The following ELOVL5 variants were observed in gnomAD, a reference collection of about 807,000 sequenced individuals.
ELOVL5 encodes the protein very long chain fatty acid elongase 5.
Under a neutral mutation model 38.6 loss-of-function variants are expected in ELOVL5, and 8 were observed. The observed-to-expected ratio is 0.21, with a 90% CI of 0.12 to 0.37. The LOEUF is 0.37. Ranked by LOEUF, ELOVL5 falls within the 10% of genes least tolerant of loss-of-function variation. The probability of loss-of-function intolerance (pLI) is 1.00; values close to 1 mark genes in which losing one functional copy is unlikely to be tolerated. For missense variants in ELOVL5, 280 were observed against 367.8 expected (o/e 0.76, Z 1.95); for synonymous variants, 127 against 133.7 (o/e 0.95, Z 0.34).
chr6:53,330,130 C>T (rs1471896626), intron 1 of ELOVL5, among the ~76,000 whole-genome samples: 1 of 152,178 alleles, frequency 6.6e-6, no homozygotes, highest in Non-Finnish European at 1.5e-5. Flanking sequence ...GCCTACTACA[C>T]ATGCAGGCTA....
intron 1 of ELOVL5, among the ~76,000 whole-genome samples, chr6:53,296,926 G>A (rs548964362): frequency 1.3e-5 from 2 of 152,168 alleles, no homozygotes; most frequent in East Asian, 1.9e-4. Flanking sequence ...TGTATTCACT[G>A]GCTAATTTTA....
intron 5 of ELOVL5, among the ~76,000 whole-genome samples, chr6:53,274,794 A>G (rs1205567294): frequency 6.6e-6 from 1 of 152,184 alleles, no homozygotes; most frequent in Non-Finnish European, 1.5e-5. Flanking sequence ...CACACCATAC[A>G]GAAGGACCAG....
At chr6:53,276,306 G>C (rs748147731) in intron 3 of ELOVL5, 50 bp from the exon 4 acceptor site, 1 of 1,223,534 alleles carries the variant, frequency 8.2e-7, no homozygotes, top group Non-Finnish European at 1.2e-6. Context: ...GCCATGTAAA[G>C]TCCTCATTGA....
intron 3 of ELOVL5, among the ~76,000 whole-genome samples, chr6:53,278,770 C>T (rs1766240779): frequency 6.6e-6 from 1 of 152,148 alleles, no homozygotes; most frequent in African/African-American, 2.4e-5. Flanking sequence ...TGCAACACTC[C>T]CTCCACTGCT....
intron 1 of ELOVL5, among the ~76,000 whole-genome samples, chr6:53,339,204 T>C (rs1459194024): frequency 3.3e-5 from 5 of 152,206 alleles, no homozygotes; most frequent in East Asian, 1.9e-4. Flanking sequence ...ATCTCCTCTA[T>C]AGCATGTCTC....
At chr6:53,273,198 G>C in intron 6 of ELOVL5, 22 bp downstream of exon 6, 1 of 1,613,008 alleles carries the variant, frequency 6.2e-7, no homozygotes, top group East Asian at 2.2e-5. Flanking sequence ...TAAGTCCTGG[G>C]GAAAGAGGCC....
intron 3 of ELOVL5, among the ~76,000 whole-genome samples, chr6:53,280,326 C>T (rs1013472618): frequency 1.3e-5 from 2 of 152,128 alleles, no homozygotes; most frequent in Admixed American, 6.5e-5. Context: ...CAAGAACCAC[C>T]CAGGGGCATT....
chr6:53,293,449 C>G (rs975495097), intron 2 of ELOVL5, among the ~76,000 whole-genome samples: 30 of 152,122 alleles, frequency 2.0e-4, no homozygotes, highest in African/African-American at 5.3e-4. Flanking sequence ...TCCAGAGTAG[C>G]TGGGACTATA....
Position 53,322,499 on chromosome 6 carries a change from T to G in ELOVL5, c.-9+26318A>C, listed in dbSNP as rs542465051. 6.6e-5 allele frequency among the ~76,000 whole-genome samples: 10 copies of G among 152,328 alleles called. No homozygotes were observed. In the South Asian group the frequency reaches 2.1e-3, roughly 32 times the overall value. On this transcript the variant is annotated intron_variant, in intron 1 of 7. Coordinates refer to ENST00000304434, the MANE Select transcript of ELOVL5 (RefSeq NM_021814.5). ...GAGCAGTTGGAAAAATATTTTTACT[T>G]GCTCACAGAGAGATTTCATACTCAT...
At chr6:53,326,271 CCTT>C (rs1032830951) in intron 1 of ELOVL5, among the ~76,000 whole-genome samples, 1 of 152,106 alleles carries the variant, frequency 6.6e-6, no homozygotes, top group African/African-American at 2.4e-5. Flanking sequence ...ATTCTTGCCT[CCTT>C]CTATCCACCT....
chr6:53,298,321 A>G (rs2127576939), intron 1 of ELOVL5, among the ~76,000 whole-genome samples: 1 of 152,360 alleles, frequency 6.6e-6, no homozygotes, highest in African/African-American at 2.4e-5. Flanking sequence ...CTGGGGACAG[A>G]CACCTTCCTC....
chr6:53,300,579 ACAGCAAGC>A (rs1389561652), intron 1 of ELOVL5, among the ~76,000 whole-genome samples: 2 of 152,332 alleles, frequency 1.3e-5, no homozygotes, highest in Non-Finnish European at 2.9e-5. Flanking sequence ...CTGAATGGTG[ACAGCAAGC>A]CACACATCTA....
chr6:53,319,669 C>G (rs563011780), intron 1 of ELOVL5, among the ~76,000 whole-genome samples: 8 of 152,214 alleles, frequency 5.3e-5, no homozygotes, highest in Non-Finnish European at 1.2e-4. Flanking sequence ...TTCCTTTCTT[C>G]CATCCAACTT....
chr6:53,311,575 C>G (rs948586651), intron 1 of ELOVL5, among the ~76,000 whole-genome samples: 4 of 152,068 alleles, frequency 2.6e-5, no homozygotes, highest in African/African-American at 9.7e-5. Context: ...AAAGTAAAAA[C>G]AACCCAAAAG....
rs1296052276 is a variant in ELOVL5 at position 53,267,854 on chromosome 6, A to G, written c.*1273T>C. The G allele has an allele frequency of 6.6e-6, 1 of 152,386 alleles. No homozygotes were observed. The highest frequency in any genetic ancestry group is 1.5e-5 in the Non-Finnish European group (1 of 68,044). The allele number at this position is 152,386 out of a possible 1,614,324, so 9.4% of individuals were successfully genotyped here. ...ATTCCGACACTTTAAAATGACACACATCATAGGCTTTACCTGTTTGACCAC... is the reference window on the plus strand; with the variant it reads ...ATTCCGACACTTTAAAATGACACACGTCATAGGCTTTACCTGTTTGACCAC... On this transcript the variant is annotated 3_prime_UTR_variant, in exon 8 of 8. Coordinates refer to ENST00000304434, the MANE Select transcript of ELOVL5 (RefSeq NM_021814.5).
intron 1 of ELOVL5, among the ~76,000 whole-genome samples, chr6:53,348,022 G>GCCT (rs1769639660): frequency 1.4e-5 from 2 of 146,722 alleles, no homozygotes. Context: ...GAGCACAACC[G>GCCT]CCCCCCCGCC....
intron 1 of ELOVL5, among the ~76,000 whole-genome samples, chr6:53,336,522 A>G (rs1456479503): frequency 4.6e-5 from 7 of 152,188 alleles, no homozygotes; most frequent in Admixed American, 4.6e-4. Context: ...TTAGCTGGGC[A>G]TGGTGGTGCT....
chr6:53,285,238 T>C (rs561472844), intron 3 of ELOVL5, among the ~76,000 whole-genome samples: 1 of 152,264 alleles, frequency 6.6e-6, no homozygotes, highest in African/African-American at 2.4e-5. Flanking sequence ...CGTATGAACA[T>C]AAAAATGATG....
At chr6:53,294,567 A>G (rs1411815849) in intron 2 of ELOVL5, 1 of 1,444,740 alleles carries the variant, frequency 6.9e-7, no homozygotes. Context: ...ATAACTACGG[A>G]ATTGCTCCAC....
Sources: allele counts gnomAD v4.1 joint callset (sites outside exome capture counted in the v4.1 genomes callset), GRCh38; gene constraint gnomAD v4.1.1; transcripts MANE v1.5; gene names NCBI Gene and HGNC (gene_info 2026-07-23, HGNC 2026-07-21).